KCNH1: variants seen among roughly 807,000 people sequenced by gnomAD.
KCNH1 encodes the protein potassium voltage-gated channel subfamily H member 1.
A neutral mutation model predicts 69.2 loss-of-function variants in KCNH1; 27 were observed. The observed-to-expected ratio is 0.39, with a 90% CI of 0.29 to 0.54. The LOEUF is 0.54. KCNH1 is among the 20% of genes least tolerant of loss of function. The pLI is 0.68. For synonymous variants in KCNH1, 456 were observed against 487.7 expected (o/e 0.93, Z 0.86); for missense variants, 798 against 1,261.6 (o/e 0.63, Z 5.57).
rs534571099 is a variant in KCNH1, at chr1:210,880,806, G to A, written c.1462+38834C>T. ...ATGAGAAGGCAAGCCACAAAATGGGGGAAAAAATTCCAAAAGACATGTTAG... is the reference window on the plus strand; with the variant it reads ...ATGAGAAGGCAAGCCACAAAATGGGAGAAAAAATTCCAAAAGACATGTTAG... On this transcript the variant is annotated intron_variant, in intron 7 of 10. Transcript: ENST00000271751. Among the ~76,000 whole-genome samples, 11 of 151,728 alleles carry A rather than the reference G, an allele frequency of 7.2e-5. No homozygotes were observed. In the South Asian group the frequency reaches 2.3e-3, roughly 32 times the overall value.
chr1:210,706,568 A>G (rs1043462678), intron 10 of KCNH1, among the ~76,000 whole-genome samples: 2 of 152,236 alleles, frequency 1.3e-5, no homozygotes, highest in African/African-American at 4.8e-5. Flanking sequence ...AAAGGACTGC[A>G]CAAATCACTT....
At chr1:210,878,155 T>G (rs12121444) in intron 7 of KCNH1, among the ~76,000 whole-genome samples, 26,244 of 152,046 alleles carry the variant, frequency 0.17, 2,855 homozygotes, top group East Asian at 0.43. Flanking sequence ...ACCCAAAAAC[T>G]GATAGGACTG....
chr1:210,980,660 T>C (rs990810553), intron 6 of KCNH1, among the ~76,000 whole-genome samples: 1 of 152,220 alleles, frequency 6.6e-6, no homozygotes, highest in Non-Finnish European at 1.5e-5. Context: ...AAAGAGATTC[T>C]GTTTGTTGCA....
chr1:210,967,756 G>A (rs1335377824), intron 6 of KCNH1, among the ~76,000 whole-genome samples: 2 of 151,856 alleles, frequency 1.3e-5, no homozygotes, highest in African/African-American at 2.4e-5. Context: ...TTCTTCCTTC[G>A]CAATCCTTAC....
chr1:210,742,142 C>T (rs1402218974), intron 10 of KCNH1, among the ~76,000 whole-genome samples: 1 of 152,056 alleles, frequency 6.6e-6, no homozygotes, highest in Non-Finnish European at 1.5e-5. Flanking sequence ...AGGCAGAGAA[C>T]ACAAAAAACA....
intron 2 of KCNH1, 54 bp from the exon 3 acceptor site, chr1:211,103,656 A>G: frequency 8.8e-7 from 1 of 1,138,950 alleles, no homozygotes; most frequent in East Asian, 2.3e-5. Context: ...TTATTCTACA[A>G]GCATATGTTA....
In KCNH1 at chr1:210,778,995, A is replaced by G. The variant is rs1683919270; in HGVS notation, c.1916-3451T>C. 2.0e-5 allele frequency among the ~76,000 whole-genome samples: 3 copies of G among 152,232 alleles called. No homozygotes were observed. The South Asian group carries it at 6.2e-4, about 32-fold the overall frequency. ...TTTATAAGCAACTCTTCAGGGGCAT[A>G]TCTATTGCATAAAACAAGGGGCAAC... On this transcript the variant is annotated intron_variant, in intron 9 of 10. Transcript: ENST00000271751.
At chr1:210,784,108 A>T (rs1460536787) in intron 9 of KCNH1, among the ~76,000 whole-genome samples, 2 of 152,204 alleles carry the variant, frequency 1.3e-5, no homozygotes, top group African/African-American at 4.8e-5. Context: ...ATTAGTGAGG[A>T]CTCAGAGCGT....
At chr1:210,977,481 C>A (rs1688636871) in intron 6 of KCNH1, among the ~76,000 whole-genome samples, 3 of 151,886 alleles carry the variant, frequency 2.0e-5, no homozygotes, top group South Asian at 2.1e-4. Context: ...TCCAACAGTA[C>A]CCCCATCACT....
intron 3 of KCNH1, among the ~76,000 whole-genome samples, chr1:211,095,569 G>T (rs541443474): frequency 2.6e-5 from 4 of 152,320 alleles, no homozygotes; most frequent in African/African-American, 7.2e-5. Flanking sequence ...ATGTACGAGA[G>T]AATTTTTGGC....
chr1:211,068,937 C>T (rs565383574), intron 5 of KCNH1, among the ~76,000 whole-genome samples: 7 of 152,130 alleles, frequency 4.6e-5, no homozygotes, highest in Non-Finnish European at 7.4e-5. Flanking sequence ...CATAGGAAGT[C>T]GCTTACACTT....
At chr1:210,877,871 G>T (rs1436536184) in intron 7 of KCNH1, among the ~76,000 whole-genome samples, 1 of 152,056 alleles carries the variant, frequency 6.6e-6, no homozygotes, top group African/African-American at 2.4e-5. Flanking sequence ...ATAAATTAAT[G>T]ATCTCTTTCC....
At chr1:210,861,686 G>T in intron 7 of KCNH1, 2 of 773,724 alleles carry the variant, frequency 2.6e-6, no homozygotes, top group South Asian at 1.3e-5. Context: ...TTGAATATTT[G>T]TTTCTGGATG....
intron 7 of KCNH1, among the ~76,000 whole-genome samples, chr1:210,805,567 A>G (rs1777249): frequency 0.83 from 125,572 of 152,130 alleles, 51,966 homozygotes; most frequent in African/African-American, 0.85. Context: ...GAATCATACA[A>G]TATGTACTCT....
intron 5 of KCNH1, among the ~76,000 whole-genome samples, chr1:211,079,126 A>G (rs1690797892): frequency 6.6e-6 from 1 of 152,146 alleles, no homozygotes; most frequent in African/African-American, 2.4e-5. Context: ...AAAAAATGAT[A>G]AAGGGGTTAT....
intron 7 of KCNH1, among the ~76,000 whole-genome samples, chr1:210,852,675 A>G (rs1222883410): frequency 6.6e-6 from 1 of 152,206 alleles, no homozygotes; most frequent in Non-Finnish European, 1.5e-5. Flanking sequence ...AATAATATTT[A>G]GGCAAACGCG....
intron 6 of KCNH1, among the ~76,000 whole-genome samples, chr1:210,957,341 G>A (rs906191998): frequency 6.6e-6 from 1 of 152,112 alleles, no homozygotes; most frequent in Admixed American, 6.6e-5. Flanking sequence ...CAATTATGTT[G>A]TCAATTGTAG....
intron 5 of KCNH1, among the ~76,000 whole-genome samples, chr1:211,033,372 T>A (rs1177535723): frequency 1.3e-5 from 2 of 152,246 alleles, no homozygotes; most frequent in African/African-American, 4.8e-5. Flanking sequence ...CTCAGGGATC[T>A]AGAACTAGAA....
At chr1:210,923,268 C>A (rs1385578716) in intron 6 of KCNH1, among the ~76,000 whole-genome samples, 1 of 152,214 alleles carries the variant, frequency 6.6e-6, no homozygotes, top group African/African-American at 2.4e-5. Flanking sequence ...GCCAATTCCT[C>A]TGAGTTCAGC....
Sources: allele counts gnomAD v4.1 joint callset (sites outside exome capture counted in the v4.1 genomes callset), GRCh38; gene constraint gnomAD v4.1.1; transcripts MANE v1.5; gene names NCBI Gene and HGNC (gene_info 2026-07-23, HGNC 2026-07-21).